The following DDI2 variants were observed in gnomAD, a reference collection of about 807,000 sequenced individuals.
DDI2 encodes protein DDI1 homolog 2.
DDI2 carries 5 observed loss-of-function variants against 48.1 expected under a neutral mutation model. That is an observed-to-expected ratio of 0.10 (90% CI 0.05 to 0.22). The LOEUF (loss-of-function observed/expected upper bound fraction) is 0.22, where lower values mean the gene tolerates loss of function less well. Ranked by LOEUF, DDI2 falls within the 10% of genes least tolerant of loss-of-function variation. DDI2 has a pLI of 1.00. For synonymous variants in DDI2, 205 were observed against 183.6 expected, an observed-to-expected ratio of 1.12 and a Z score of -0.94; for missense variants, 285 against 506.2, an observed-to-expected ratio of 0.56 and a Z score of 4.19.
chr1:15,664,701 G>A lies in DDI2; in HGVS notation c.*4911G>A, dbSNP rs1179559281. On this transcript the variant is annotated 3_prime_UTR_variant, in exon 10 of 10. Transcript: ENST00000480945. ...GCTCCTTTACCATAACCAGTAGTGG[G>A]CAGTTCTGCGGTCAGCACTTAACTA... The A allele has an allele frequency of 6.6e-6, 1 of 152,150 alleles. No homozygotes were observed. The highest frequency in any genetic ancestry group is 1.5e-5 in the Non-Finnish European group (1 of 68,038). The allele number at this position is 152,150 out of a possible 1,614,324, so 9.4% of individuals were successfully genotyped here. A position where few individuals can be genotyped will look rare whatever the true frequency, so the allele number is the denominator to read the frequency against.
chr1:15,628,805 C>T (rs1400372262), intron 2 of DDI2, among the ~76,000 whole-genome samples: 1 of 151,994 alleles, frequency 6.6e-6, no homozygotes, highest in Non-Finnish European at 1.5e-5. Flanking sequence ...TCCATTTTAG[C>T]GTATTTTCAT....
chr1:15,632,378 C>T (rs1047143828), intron 3 of DDI2, among the ~76,000 whole-genome samples: 1 of 151,836 alleles, frequency 6.6e-6, no homozygotes, highest in Admixed American at 6.6e-5. Context: ...ACTAATAATA[C>T]AAAAATTAGC....
In DDI2 at chr1:15,665,593, G is replaced by A. The variant is rs1356146677; in HGVS notation, c.*5803G>A. 1 of 152,164 alleles carries A rather than the reference G, an allele frequency of 6.6e-6. No individual in the cohort carries two copies. Among genetic ancestry groups the A allele is most frequent in the Non-Finnish European group, 1.5e-5 (1 of 68,034 alleles). The allele number at this position is 152,164 out of a possible 1,614,324, so 9.4% of individuals were successfully genotyped here. A position where few individuals can be genotyped will look rare whatever the true frequency, so the allele number is the denominator to read the frequency against. The stretch of plus-strand genomic sequence containing the variant: ...CTTTTAAGCTCATGTCTATATATAT[G>A]TGTGTAAGCTAGCATATACATATGG... On this transcript the variant is annotated 3_prime_UTR_variant, in exon 10 of 10. Transcript: ENST00000480945.
rs1261892164 is a variant in DDI2 at position 15,630,392 on chromosome 1, A to C, written c.336A>C (p.Pro112=). The change falls in exon 3 of 10, where the codon CCA becomes CCC. Residue 112 remains proline (P), a synonymous_variant. Transcript: ENST00000480945. The part of the protein sequence containing the change: ...PGTSSPRQRQ[P]PGTQQSHSSP... ...CATCAAGTCCCCGGCAGCGCCAGCC[A>C]CCAGGAACACAGCAGTCCCACTCAT... The C allele has an allele frequency of 1.2e-6, 2 of 1,614,230 alleles. No homozygotes were observed. The highest frequency in any genetic ancestry group is 2.2e-5 in the South Asian group (2 of 91,092).
At chr1:15,619,028 G>T (rs1639610987) in intron 1 of DDI2, among the ~76,000 whole-genome samples, 1 of 152,240 alleles carries the variant, frequency 6.6e-6, no homozygotes, top group Non-Finnish European at 1.5e-5. Flanking sequence ...ATCCACAAAA[G>T]CTCAGGAACC....
intron 7 of DDI2, among the ~76,000 whole-genome samples, chr1:15,650,510 C>A (rs1217068128): frequency 6.6e-6 from 1 of 151,920 alleles, no homozygotes; most frequent in Non-Finnish European, 1.5e-5. Context: ...TTTGGGAGGC[C>A]AAGGAGGGAG....
rs752083470 is a variant in DDI2 at position 15,649,843 on chromosome 1, A to AT, written c.993+28dup. ...CACCAGGTAATTAAGAGCTTCACTTATTTTTTTTGCATCTGCTTTTTGTAA... is the reference window on the plus strand; with the variant it reads ...CACCAGGTAATTAAGAGCTTCACTTATTTTTTTTTGCATCTGCTTTTTGTAA... On this transcript the variant is annotated intron_variant, in intron 7 of 9. Coordinates refer to ENST00000480945, the MANE Select transcript of DDI2 (RefSeq NM_032341.5). 37 of 1,591,530 alleles carry AT rather than the reference A, an allele frequency of 2.3e-5. 1 individual carries two copies. The highest frequency in any genetic ancestry group is 2.1e-4 in the South Asian group (18 of 87,158).
In DDI2 at chr1:15,652,058, C is replaced by CTTTT. The variant is rs772990709; in HGVS notation, c.1183+184_1183+187dup. On this transcript the variant is annotated intron_variant, in intron 8 of 9. Transcript: ENST00000480945. The stretch of plus-strand genomic sequence containing the variant: ...TTCTTAACCTCCTTCTTTGATCTTC[C>CTTTT]TTTTTTTTTTTTTTTTTTTTTTTTG... 6.5e-3 allele frequency among the ~76,000 whole-genome samples: 497 copies of CTTTT among 75,934 alleles called. 41 individuals carry two copies. The highest frequency in any genetic ancestry group is 0.028 in the African/African-American group (418 of 15,198). The allele number at this position is 75,934 out of a possible 152,430, so 49.8% of individuals were successfully genotyped here. A position where few individuals can be genotyped will look rare whatever the true frequency, so the allele number is the denominator to read the frequency against.
intron 5 of DDI2, among the ~76,000 whole-genome samples, chr1:15,641,093 G>A (rs1640000258): frequency 6.6e-6 from 1 of 152,200 alleles, no homozygotes; most frequent in Non-Finnish European, 1.5e-5. Flanking sequence ...ATCTGAAGCT[G>A]TGGTGATGGT....
At chr1:15,628,359 T>C (rs936356719) in intron 2 of DDI2, among the ~76,000 whole-genome samples, 12 of 152,200 alleles carry the variant, frequency 7.9e-5, no homozygotes, top group Non-Finnish European at 1.5e-5. Context: ...TGCTAAAGGG[T>C]AGAAATGTTA....
intron 1 of DDI2, among the ~76,000 whole-genome samples, chr1:15,620,492 T>G (rs1257485481): frequency 6.6e-6 from 1 of 152,166 alleles, no homozygotes; most frequent in Non-Finnish European, 1.5e-5. Context: ...CTAGACTGTT[T>G]AACTCCTCCT....
In DDI2 at chr1:15,660,830, G is replaced by A. The variant is rs760320439; in HGVS notation, c.*1040G>A. 2.5e-6 allele frequency: 4 copies of A among 1,614,036 alleles called. No individual in the cohort carries two copies. In the South Asian group the frequency reaches 3.3e-5, roughly 13 times the overall value. Reference sequence around the variant, plus strand: ...CCAGAAACTAATGTTGAAATACCTGGAACAAATAAAGAATATGGCCATTAC... The same window carrying A: ...CCAGAAACTAATGTTGAAATACCTGAAACAAATAAAGAATATGGCCATTAC... On this transcript the variant is annotated 3_prime_UTR_variant, in exon 10 of 10. Coordinates refer to ENST00000480945, the MANE Select transcript of DDI2 (RefSeq NM_032341.5).
intron 1 of DDI2, among the ~76,000 whole-genome samples, chr1:15,619,055 G>T (rs1639611449): frequency 6.6e-6 from 1 of 152,206 alleles, no homozygotes; most frequent in African/African-American, 2.4e-5. Flanking sequence ...GTCAGTGAAT[G>T]CCTCATGTGG....
At chr1:15,622,061 G>T (rs534233148) in intron 1 of DDI2, among the ~76,000 whole-genome samples, 8 of 152,180 alleles carry the variant, frequency 5.3e-5, no homozygotes, top group Admixed American at 1.3e-4. Flanking sequence ...GCCGGTTTAT[G>T]GTCCTTATTT....
intron 6 of DDI2, among the ~76,000 whole-genome samples, chr1:15,646,442 T>C (rs1640093040): frequency 6.6e-6 from 1 of 152,264 alleles, no homozygotes; most frequent in African/African-American, 2.4e-5. Context: ...ATCCCAGCAC[T>C]TTGGGACCCC....
At position 15,659,998 on chromosome 1, in the gene DDI2, G is replaced by T. The variant is rs746880673; in HGVS notation, c.*208G>T. The T allele has an allele frequency of 3.7e-6, 6 of 1,614,168 alleles. No homozygotes were observed. The South Asian group carries it at 6.6e-5, about 18-fold the overall frequency. ...TTCAGTCTGCCCTATCAAGCCCAGT[G>T]ACTCAGATCGCATTGAACCTAAAGC... On this transcript the variant is annotated 3_prime_UTR_variant, in exon 10 of 10. Transcript: ENST00000480945.
chr1:15,617,607 C>T lies in DDI2; in HGVS notation c.-64C>T. ...AGCACCAGCCAGGCCACGCCGCCGC[C>T]TCTTCCCCTGCGCCCCGCGCCCAGG... On this transcript the variant is annotated 5_prime_UTR_variant, in exon 1 of 10. Transcript: ENST00000480945. 2 of 1,265,048 alleles carry T rather than the reference C, an allele frequency of 1.6e-6. No individual in the cohort carries two copies. Among genetic ancestry groups the T allele is most frequent in the Non-Finnish European group, 2.0e-6 (2 of 998,630 alleles). The allele number at this position is 1,265,048 out of a possible 1,614,324, so 78.4% of individuals were successfully genotyped here. A position where few individuals can be genotyped will look rare whatever the true frequency, so the allele number is the denominator to read the frequency against.
chr1:15,660,914 G>GC lies in DDI2; in HGVS notation c.*1127dup. 6.2e-7 allele frequency: 1 copy of GC among 1,613,802 alleles called. No individual in the cohort carries two copies. The highest frequency in any genetic ancestry group is 8.5e-7 in the Non-Finnish European group (1 of 1,179,940). The stretch of plus-strand genomic sequence containing the variant: ...TCTGTGGAGTCAGCAGAAGAATCTT[G>GC]CCCGTCTATAACGGCAGCCTTGAAA... On this transcript the variant is annotated 3_prime_UTR_variant, in exon 10 of 10. Coordinates refer to ENST00000480945, the MANE Select transcript of DDI2 (RefSeq NM_032341.5).
intron 4 of DDI2, chr1:15,633,778 T>G (rs1217918826): frequency 1.6e-6 from 1 of 645,034 alleles, no homozygotes; most frequent in Admixed American, 2.2e-5. Flanking sequence ...GTTTAATGAC[T>G]TTCTTTCTAA....
Sources: gnomAD v4.1 joint callset for allele counts (sites outside exome capture counted in the v4.1 genomes callset) on GRCh38, gnomAD v4.1.1 for gene constraint, MANE v1.5 for transcripts, NCBI Gene and HGNC (gene_info 2026-07-23, HGNC 2026-07-21) for gene names.